Variants in LINGO2 observed in about 807,000 individuals in gnomAD.
LINGO2 encodes leucine-rich repeat and immunoglobulin-like domain-containing nogo receptor-interacting protein 2.
Under a neutral mutation model 30.6 loss-of-function variants are expected in LINGO2, and 14 were observed. The ratio of observed to expected loss-of-function variants is 0.46; its 90% confidence interval spans 0.30 to 0.72. The LOEUF is 0.72. LINGO2 is among the 30% of genes least tolerant of loss of function. LINGO2 has a pLI of 0.07. For missense variants in LINGO2, 729 were observed against 751.7 expected, an observed-to-expected ratio of 0.97 and a Z score of 0.35; for synonymous variants, 317 against 288.5, an observed-to-expected ratio of 1.10 and a Z score of -1.00.
intron 4 of LINGO2, among the ~76,000 whole-genome samples, chr9:28,281,947 A>T (rs1587383574): frequency 1.3e-5 from 2 of 152,086 alleles, no homozygotes; most frequent in East Asian, 3.9e-4. Flanking sequence ...CCACATGGTA[A>T]AGGCAAGCTG....
At chr9:28,445,077 C>T (rs1824369080) in intron 2 of LINGO2, among the ~76,000 whole-genome samples, 1 of 152,234 alleles carries the variant, frequency 6.6e-6, no homozygotes, top group Admixed American at 6.5e-5. Context: ...GAGCTAGTGA[C>T]TGATAATGCC....
At chr9:28,196,910 A>T (rs1048721977) in intron 4 of LINGO2, among the ~76,000 whole-genome samples, 4 of 151,938 alleles carry the variant, frequency 2.6e-5, no homozygotes, top group Non-Finnish European at 5.9e-5. Flanking sequence ...GGAAGTGGGG[A>T]TTGGAGGATA....
chr9:28,577,576 T>G (rs925507105), intron 1 of LINGO2, among the ~76,000 whole-genome samples: 2 of 152,160 alleles, frequency 1.3e-5, no homozygotes, highest in African/African-American at 4.8e-5. Flanking sequence ...TTTAGCAGGC[T>G]CTATGTGTAT....
intron 1 of LINGO2, among the ~76,000 whole-genome samples, chr9:28,570,102 A>T (rs1395651271): frequency 1.3e-5 from 2 of 151,930 alleles, no homozygotes; most frequent in Admixed American, 6.6e-5. Context: ...AAATATTTTT[A>T]AAACAGACAT....
At chr9:29,020,066 G>A in the LINGO2 span, among the ~76,000 whole-genome samples, 1 of 152,158 alleles carries the variant, frequency 6.6e-6, no homozygotes, top group South Asian at 2.1e-4. Context: ...ATGTTTTGCT[G>A]AATACTCCCG....
At chr9:28,703,185 T>C in the LINGO2 span, among the ~76,000 whole-genome samples, 3 of 151,880 alleles carry the variant, frequency 2.0e-5, no homozygotes, top group Admixed American at 1.3e-4. Context: ...TCTTCTTTTT[T>C]ATAACGTTCT....
intron 1 of LINGO2, among the ~76,000 whole-genome samples, chr9:28,537,361 C>A (rs1481041755): frequency 1.3e-5 from 2 of 152,140 alleles, no homozygotes; most frequent in Non-Finnish European, 2.9e-5. Context: ...CTTTCCCCTT[C>A]ATTAGCACGG....
intron 1 of LINGO2, among the ~76,000 whole-genome samples, chr9:28,592,673 G>T (rs1048070493): frequency 2.0e-5 from 3 of 152,026 alleles, no homozygotes; most frequent in African/African-American, 7.2e-5. Context: ...AGGTATGGAG[G>T]TATGGGTGTT....
chr9:28,427,429 G>T (rs1823460286), intron 2 of LINGO2, among the ~76,000 whole-genome samples: 1 of 152,096 alleles, frequency 6.6e-6, no homozygotes, highest in Admixed American at 6.6e-5. Flanking sequence ...CATTCATTGT[G>T]TACTTAGCAC....
At chr9:28,718,689 A>G in the LINGO2 span, among the ~76,000 whole-genome samples, 1 of 151,982 alleles carries the variant, frequency 6.6e-6, no homozygotes, top group African/African-American at 2.4e-5. Context: ...ATTTCTTTTA[A>G]AATCTCAACT....
chr9:28,458,955 G>T (rs1287303086), intron 2 of LINGO2, among the ~76,000 whole-genome samples: 3 of 140,530 alleles, frequency 2.1e-5, no homozygotes, highest in Non-Finnish European at 4.6e-5. Context: ...AGCTGTTAAA[G>T]GTATATAGAG....
chr9:29,155,999 C>A, the LINGO2 span, among the ~76,000 whole-genome samples: 2 of 152,028 alleles, frequency 1.3e-5, no homozygotes, highest in African/African-American at 2.4e-5. Context: ...AGCTTTCTTA[C>A]CATAACATTC....
chr9:28,701,119 T>C, the LINGO2 span, among the ~76,000 whole-genome samples: 261 of 152,122 alleles, frequency 1.7e-3, 3 homozygotes, highest in Admixed American at 0.015. Context: ...ATTCACATTA[T>C]CTTAACAATG....
rs142992880 is a variant in LINGO2 at position 28,176,504 on chromosome 9, T to C, written c.-87+118704A>G. 9.7e-3 allele frequency among the ~76,000 whole-genome samples: 1,480 copies of C among 152,282 alleles called. 20 individuals are homozygous for C. The highest frequency in any genetic ancestry group is 0.027 in the African/African-American group (1,124 of 41,548). Reference sequence around the variant, plus strand: ...GGGTAAAATAACCTGTATTTCAGTGTTTGGATTTCCATTACCAAGTAGATT... The same window carrying C: ...GGGTAAAATAACCTGTATTTCAGTGCTTGGATTTCCATTACCAAGTAGATT... On this transcript the variant is annotated intron_variant, in intron 4 of 5. Transcript: ENST00000379992.
chr9:28,286,817 A>C (rs1186399966), intron 4 of LINGO2, among the ~76,000 whole-genome samples: 1 of 152,152 alleles, frequency 6.6e-6, no homozygotes, highest in Admixed American at 6.5e-5. Flanking sequence ...CAGAAGGTAG[A>C]GGGTGGGAGG....
chr9:28,481,289 A>G (rs915957712), intron 1 of LINGO2, among the ~76,000 whole-genome samples: 1 of 152,166 alleles, frequency 6.6e-6, no homozygotes, highest in African/African-American at 2.4e-5. Flanking sequence ...TTGTAATGAG[A>G]CAATTGAAAC....
chr9:28,994,794 C>G, the LINGO2 span, among the ~76,000 whole-genome samples: 33 of 152,162 alleles, frequency 2.2e-4, no homozygotes, highest in African/African-American at 7.5e-4. Flanking sequence ...AATAAATGGT[C>G]CTGGGAAAAC....
intron 3 of LINGO2, among the ~76,000 whole-genome samples, chr9:28,340,965 G>A (rs1004818157): frequency 6.6e-6 from 1 of 151,810 alleles, no homozygotes; most frequent in Non-Finnish European, 1.5e-5. Flanking sequence ...CTCTTTAAAG[G>A]GCAAATAAAA....
At chr9:28,187,674 A>T (rs1819590382) in intron 4 of LINGO2, among the ~76,000 whole-genome samples, 1 of 152,182 alleles carries the variant, frequency 6.6e-6, no homozygotes, top group Non-Finnish European at 1.5e-5. Context: ...CTGTGAGTTC[A>T]AGATAAGGGG....
Sources: allele counts gnomAD v4.1 joint callset (sites outside exome capture counted in the v4.1 genomes callset), GRCh38; gene constraint gnomAD v4.1.1; transcripts MANE v1.5; gene names NCBI Gene and HGNC (gene_info 2026-07-23, HGNC 2026-07-21).